The following HIPK2 variants were observed in gnomAD, a reference collection of about 807,000 sequenced individuals.
HIPK2 encodes homeodomain interacting protein kinase 2, also known as homeodomain-interacting protein kinase 2.
A neutral mutation model predicts 113.7 loss-of-function variants in HIPK2; 27 were observed. The observed-to-expected ratio is 0.24, with a 90% CI of 0.17 to 0.33. The LOEUF (loss-of-function observed/expected upper bound fraction) is 0.33. Among genes scored for constraint, HIPK2 ranks in the 10% least tolerant of loss-of-function variants. HIPK2 has a pLI of 1.00. For missense variants in HIPK2, 1,257 were observed against 1,588.0 expected, an observed-to-expected ratio of 0.79 and a Z score of 3.54; for synonymous variants, 631 against 642.2, an observed-to-expected ratio of 0.98 and a Z score of 0.26.
At chr7:139,738,555 C>T (rs1401911359) in intron 1 of HIPK2, among the ~76,000 whole-genome samples, 1 of 152,154 alleles carries the variant, frequency 6.6e-6, no homozygotes, top group Non-Finnish European at 1.5e-5. Flanking sequence ...ACCCTCGAGT[C>T]ATATAACGAT....
At chr7:139,734,991 T>C (rs2117048192) in intron 1 of HIPK2, among the ~76,000 whole-genome samples, 2 of 152,334 alleles carry the variant, frequency 1.3e-5, no homozygotes, top group South Asian at 2.1e-4. Context: ...ATCTACCAAC[T>C]TGGTATAACT....
At chr7:139,677,228 CTGA>C (rs971031246) in intron 2 of HIPK2, among the ~76,000 whole-genome samples, 9 of 146,120 alleles carry the variant, frequency 6.2e-5, no homozygotes, top group Admixed American at 2.1e-4. Flanking sequence ...GAGAGAGGGG[CTGA>C]TATTATATAT....
intron 2 of HIPK2, among the ~76,000 whole-genome samples, chr7:139,681,286 G>A (rs776614318): frequency 1.3e-5 from 2 of 152,082 alleles, no homozygotes; most frequent in African/African-American, 2.4e-5. Context: ...GCATGCTGCC[G>A]TCCATCCCAG....
intron 2 of HIPK2, among the ~76,000 whole-genome samples, chr7:139,695,642 T>C (rs893717816): frequency 3.2e-4 from 49 of 152,318 alleles, no homozygotes; most frequent in Non-Finnish European, 4.9e-4. Flanking sequence ...TTAAAACCCA[T>C]ATAAACTTCC....
chr7:139,650,392 A>C (rs552714966), intron 2 of HIPK2, among the ~76,000 whole-genome samples: 1 of 150,234 alleles, frequency 6.7e-6, no homozygotes, highest in Admixed American at 6.6e-5. Context: ...TCTGAGGCTG[A>C]TCTGGGGAAC....
chr7:139,740,043 T>C lies in HIPK2; in HGVS notation c.20-23028A>G, dbSNP rs146221792. On this transcript the variant is annotated intron_variant, in intron 1 of 14. Transcript: ENST00000406875. ...TTTTTATTCCTCTCGGGTACATACC[T>C]GGGAGTGGAACTGCCAGGTCAGGTG... 1.2e-3 allele frequency among the ~76,000 whole-genome samples: 178 copies of C among 152,322 alleles called. 2 individuals carry two copies. Among genetic ancestry groups the C allele is most frequent in the African/African-American group, 4.1e-3 (172 of 41,562 alleles).
chr7:139,630,677 C>T lies in HIPK2; in HGVS notation c.1347+488G>A, dbSNP rs1800579209. 6.6e-6 allele frequency among the ~76,000 whole-genome samples: 1 copy of T among 152,216 alleles called. No homozygotes were observed. The highest frequency in any genetic ancestry group is 1.5e-5 in the Non-Finnish European group (1 of 68,030). On this transcript the variant is annotated intron_variant, in intron 4 of 14. Transcript: ENST00000406875. This position sits in a 1 kb window ranked among gnomAD's most constrained non-coding sequence, Gnocchi z 4.0. ...CCTCCCGAAGTGCTGGGATTACAGG[C>T]GTGAGCCACCACGCTCCCTCTTCAT...
At chr7:139,660,911 A>G (rs1293063041) in intron 2 of HIPK2, among the ~76,000 whole-genome samples, 1 of 152,214 alleles carries the variant, frequency 6.6e-6, no homozygotes, top group African/African-American at 2.4e-5. Flanking sequence ...ACAAGGAAAC[A>G]GAATCTGAAA....
In HIPK2 at chr7:139,563,307, C is replaced by A. The variant is rs1797999720; in HGVS notation, c.*9620G>T. 5 of 152,796 alleles carry A rather than the reference C, an allele frequency of 3.3e-5. No homozygotes were observed. The highest frequency in any genetic ancestry group is 3.3e-4 in the Admixed American group (5 of 15,288). 9.5% of individuals were successfully genotyped at this position (152,796 alleles called of 1,614,324 possible). A position where few individuals can be genotyped will look rare whatever the true frequency, so the allele number is the denominator to read the frequency against. ...AGGCGACTCTGACAGGGAGGTGTGACCACCAGTCTCAAGGCTGAGTGGGGC... is the reference window on the plus strand; with the variant it reads ...AGGCGACTCTGACAGGGAGGTGTGAACACCAGTCTCAAGGCTGAGTGGGGC... On this transcript the variant is annotated 3_prime_UTR_variant, in exon 15 of 15. Coordinates refer to ENST00000406875, the MANE Select transcript of HIPK2 (RefSeq NM_022740.5).
chr7:139,624,190 A>AT (rs1800342018), intron 6 of HIPK2, among the ~76,000 whole-genome samples: 1 of 151,996 alleles, frequency 6.6e-6, no homozygotes, highest in African/African-American at 2.4e-5. Context: ...CGCTTGGCTA[A>AT]TTTTTGTATT....
intron 1 of HIPK2, among the ~76,000 whole-genome samples, chr7:139,733,213 T>C (rs547968862): frequency 2.0e-5 from 3 of 152,302 alleles, no homozygotes; most frequent in Admixed American, 2.0e-4. Flanking sequence ...CAGAAGCCAA[T>C]TAAACCTCTT....
intron 2 of HIPK2, among the ~76,000 whole-genome samples, chr7:139,687,142 A>G (rs1388904451): frequency 2.0e-5 from 3 of 152,258 alleles, no homozygotes; most frequent in Non-Finnish European, 4.4e-5. Flanking sequence ...ATGTCTTGCT[A>G]TGTTGGCCAG....
At position 139,777,948 on chromosome 7, in the gene HIPK2, C is replaced by T. The variant is rs1796821547; in HGVS notation, c.-325G>A. Among the ~76,000 whole-genome samples, 1 of 139,252 alleles carries T rather than the reference C, an allele frequency of 7.2e-6. No individual in the cohort carries two copies. Among genetic ancestry groups the T allele is most frequent in the African/African-American group, 2.6e-5 (1 of 38,570 alleles). 91.4% of individuals were successfully genotyped at this position (139,252 alleles called of 152,430 possible). A position where few individuals can be genotyped will look rare whatever the true frequency, so the allele number is the denominator to read the frequency against. ...GCCCCCGAGCGGATCCGCGGAGGGG[C>T]GGGAGCCGGGGGCAGCGCGCGGCCA... On this transcript the variant is annotated 5_prime_UTR_variant, in exon 1 of 15. Transcript: ENST00000406875.
At chr7:139,691,132 C>CT (rs1251863526) in intron 2 of HIPK2, among the ~76,000 whole-genome samples, 1 of 152,198 alleles carries the variant, frequency 6.6e-6, no homozygotes, top group Admixed American at 6.5e-5. Flanking sequence ...TGGGAAACCT[C>CT]TTTTCTTTGG....
At chr7:139,768,759 G>T (rs1246459286) in intron 1 of HIPK2, among the ~76,000 whole-genome samples, 1 of 152,142 alleles carries the variant, frequency 6.6e-6, no homozygotes, top group Non-Finnish European at 1.5e-5. Context: ...GGCTCTGACA[G>T]CCTGGTAGGA....
In HIPK2 at chr7:139,561,910, A is replaced by G. The variant is rs1270591002; in HGVS notation, c.*11017T>C. The G allele has an allele frequency of 1.3e-5, 2 of 152,248 alleles. No individual in the cohort carries two copies. Among genetic ancestry groups the G allele is most frequent in the African/African-American group, 4.8e-5 (2 of 41,466 alleles). 9.4% of individuals were successfully genotyped at this position (152,248 alleles called of 1,614,324 possible). A position where few individuals can be genotyped will look rare whatever the true frequency, so the allele number is the denominator to read the frequency against. On this transcript the variant is annotated 3_prime_UTR_variant, in exon 15 of 15. Coordinates refer to ENST00000406875, the MANE Select transcript of HIPK2 (RefSeq NM_022740.5). ...TTCACTCCATTTTTCTACAACGAAA[A>G]TGATTAATTTAGAAGCACACGACGT...
rs760394405 is a variant in HIPK2 at position 139,614,410 on chromosome 7, G to A, written c.1866C>T (p.Pro622=). The change falls in exon 8 of 15, where the codon CCC becomes CCT. Residue 622 remains proline, a synonymous_variant. Coordinates refer to ENST00000406875, the MANE Select transcript of HIPK2 (RefSeq NM_022740.5). The stretch of plus-strand genomic sequence containing the variant: ...CCACTGCAGCCATGGATGCCGCTGA[G>A]GGCTGGTAGAGTGTAGATGGGTAGT... ...ILNYPSTLYQ[P]SAASMAAVAQ... is the part of the protein sequence containing the mutation. 5 of 1,570,968 alleles carry A rather than the reference G, an allele frequency of 3.2e-6. No homozygotes were observed. The Admixed American group carries it at 5.4e-5, about 17-fold the overall frequency.
Position 139,716,521 on chromosome 7 carries a change from T to G in HIPK2, c.514A>C (p.Thr172Pro). The change falls in exon 2 of 15, where the codon ACC becomes CCC. Residue 172 changes from threonine (T) to proline (P), a missense_variant. Transcript: ENST00000406875. This position sits in a 1 kb window ranked among gnomAD's most constrained non-coding sequence, Gnocchi z 9.3. Reference protein sequence around the residue: ...TVATATTSTATSKNSGSNSEG... With the variant: ...TVATATTSTAPSKNSGSNSEG... ...CTGTTGGAGCCGCTGTTTTTGGAGG[T>G]GGCAGTAGACGTGGTGGCAGTGGCG... 1.2e-6 allele frequency: 2 copies of G among 1,613,926 alleles called. No homozygotes were observed. Among genetic ancestry groups the G allele is most frequent in the Non-Finnish European group, 1.7e-6 (2 of 1,179,866 alleles).
intron 1 of HIPK2, among the ~76,000 whole-genome samples, chr7:139,729,217 C>A (rs1354608285): frequency 6.6e-6 from 1 of 151,720 alleles, no homozygotes; most frequent in African/African-American, 2.4e-5. Flanking sequence ...CCCAGCTATT[C>A]GGGAGGCTGA....
Sources: allele counts gnomAD v4.1 joint callset (sites outside exome capture counted in the v4.1 genomes callset), GRCh38; gene constraint gnomAD v4.1.1; non-coding constraint Gnocchi (gnomAD v3.1); transcripts MANE v1.5; gene names NCBI Gene and HGNC (gene_info 2026-07-23, HGNC 2026-07-21).